Variants in SYNE1 observed in about 807,000 individuals in gnomAD.
SYNE1 encodes the protein nesprin-1.
SYNE1 carries 616 observed loss-of-function variants against 1,111.0 expected under a neutral mutation model. The ratio of observed to expected loss-of-function variants is 0.55; its 90% confidence interval spans 0.52 to 0.59. The LOEUF (loss-of-function observed/expected upper bound fraction) is 0.59. Among genes scored for constraint, SYNE1 ranks in the 20% least tolerant of loss-of-function variants. SYNE1 has a pLI of 0.00. For missense variants in SYNE1, 10,006 were observed against 10,417.0 expected, an observed-to-expected ratio of 0.96 and a Z score of 1.72; for synonymous variants, 3,855 against 3,825.8, an observed-to-expected ratio of 1.01 and a Z score of -0.28.
chr6:152,244,720 T>C (rs1407835297), intron 105 of SYNE1, 64 bp from the exon 106 acceptor site: 2 of 1,597,456 alleles, frequency 1.3e-6, no homozygotes, highest in Non-Finnish European at 1.7e-6. Flanking sequence ...GAAGATGTGA[T>C]TATTGTATCT....
intron 143 of SYNE1, 84 bp from the exon 144 acceptor site, chr6:152,132,298 A>G (rs1181931998): frequency 9.1e-7 from 1 of 1,093,830 alleles, no homozygotes; most frequent in East Asian, 2.4e-5. Flanking sequence ...CTCCCACTCC[A>G]TCTCCATCCA....
intron 135 of SYNE1, among the ~76,000 whole-genome samples, chr6:152,150,205 T>C (rs2060170050): frequency 6.6e-6 from 1 of 152,206 alleles, no homozygotes; most frequent in African/African-American, 2.4e-5. Flanking sequence ...AAACAAGGAA[T>C]TCCAGGAGGA....
intron 113 of SYNE1, 32 bp from the exon 114 acceptor site, chr6:152,231,599 C>T (rs756566164): frequency 5.6e-6 from 9 of 1,603,572 alleles, no homozygotes; most frequent in African/African-American, 2.7e-5. Flanking sequence ...TAAGATTATA[C>T]AATAAATGTC....
rs188790262 is a variant in SYNE1, at chr6:152,620,060, T to C, written c.67+8205A>G. 1.2e-3 allele frequency among the ~76,000 whole-genome samples: 186 copies of C among 152,302 alleles called. 1 individual carries two copies. In the Middle Eastern group the frequency reaches 0.017, roughly 14 times the overall value. The stretch of plus-strand genomic sequence containing the variant: ...CACACGCGCACCGGCTCAGACCTGA[T>C]ATTTATATATAAAATGCACATACTC... On this transcript the variant is annotated intron_variant, in intron 3 of 145. Coordinates refer to ENST00000367255, the MANE Select transcript of SYNE1 (RefSeq NM_182961.4).
chr6:152,188,474 A>C (rs1234428115), intron 128 of SYNE1, among the ~76,000 whole-genome samples: 2 of 152,204 alleles, frequency 1.3e-5, no homozygotes, highest in African/African-American at 4.8e-5. Context: ...AGTATGACTA[A>C]AAATAAATGA....
intron 115 of SYNE1, among the ~76,000 whole-genome samples, chr6:152,226,940 T>C (rs1323736367): frequency 2.6e-5 from 4 of 152,196 alleles, no homozygotes; most frequent in African/African-American, 4.8e-5. Context: ...AGCAGATTTG[T>C]AGTTCTTGGA....
chr6:152,324,664 G>GGCGCCTGT (rs1353694378), intron 81 of SYNE1, among the ~76,000 whole-genome samples: 1 of 152,078 alleles, frequency 6.6e-6, no homozygotes, highest in African/African-American at 2.4e-5. Context: ...CGTGGTGGCG[G>GGCGCCTGT]GCGCCTGTAG....
intron 39 of SYNE1, among the ~76,000 whole-genome samples, chr6:152,424,405 G>C (rs1422561917): frequency 6.6e-6 from 1 of 152,190 alleles, no homozygotes; most frequent in Non-Finnish European, 1.5e-5. Flanking sequence ...GATAGGCAAA[G>C]GGCAGCTACT....
chr6:152,196,413 G>C (rs556147708), intron 127 of SYNE1, among the ~76,000 whole-genome samples: 1 of 152,006 alleles, frequency 6.6e-6, no homozygotes. Context: ...GCATGTCTCC[G>C]AATCTGACCC....
Position 152,201,965 on chromosome 6 carries a change from A to G in SYNE1, c.23020-16T>C. ...TTTCCCAGTCCTATCATGGGAATAA[A>G]AACAAATAGCATAGATGTTTTTGAT... On this transcript the variant is annotated splice_polypyrimidine_tract_variant and intron_variant, in intron 126 of 145. Coordinates refer to ENST00000367255, the MANE Select transcript of SYNE1 (RefSeq NM_182961.4). The G allele has an allele frequency of 6.2e-7, 1 of 1,613,742 alleles. No individual in the cohort carries two copies. Among genetic ancestry groups the G allele is most frequent in the Non-Finnish European group, 8.5e-7 (1 of 1,179,828 alleles).
At position 152,210,927 on chromosome 6, in the gene SYNE1, C is replaced by T. The variant is rs116277890; in HGVS notation, c.22589+567G>A. 4.6e-3 allele frequency among the ~76,000 whole-genome samples: 700 copies of T among 152,194 alleles called. 4 individuals are homozygous for T. Among genetic ancestry groups the T allele is most frequent in the African/African-American group, 0.016 (667 of 41,550 alleles). On this transcript the variant is annotated intron_variant, in intron 124 of 145. Transcript: ENST00000367255. ...TGTAATCTGACTTAAGGTAGCAAAC[C>T]ATTTTCAAACACAGAATTCTCATGG...
intron 52 of SYNE1, 127 bp from the exon 53 acceptor site, chr6:152,390,579 C>A: frequency 1.1e-6 from 1 of 932,238 alleles, no homozygotes; most frequent in South Asian, 1.6e-5. Flanking sequence ...AAACAACAAA[C>A]TCTGGGCCCT....
intron 141 of SYNE1, 24 bp downstream of exon 141, chr6:152,136,593 AC>A: frequency 6.2e-7 from 1 of 1,611,640 alleles, no homozygotes; most frequent in Non-Finnish European, 8.5e-7. Flanking sequence ...TCTCTGAGTC[AC>A]CTCCTGCCCA....
At chr6:152,139,808 G>A in intron 140 of SYNE1, 142 bp downstream of exon 140, 2 of 799,812 alleles carry the variant, frequency 2.5e-6, no homozygotes, top group East Asian at 2.7e-5. Context: ...GGCTGGAGGT[G>A]AGGAGAGCAT....
chr6:152,550,903 A>C (rs1476542100), intron 3 of SYNE1, among the ~76,000 whole-genome samples: 2 of 152,170 alleles, frequency 1.3e-5, no homozygotes, highest in African/African-American at 4.8e-5. Flanking sequence ...TGTGAATCAC[A>C]CAGAAGTGCA....
chr6:152,205,956 A>G (rs1433324842), intron 126 of SYNE1, among the ~76,000 whole-genome samples: 1 of 152,172 alleles, frequency 6.6e-6, no homozygotes, highest in Non-Finnish European at 1.5e-5. Flanking sequence ...CTTTGTTGGG[A>G]GGTTGTCCTG....
Position 152,219,144 on chromosome 6 carries a change from A to T in SYNE1, c.21903T>A (p.Phe7301Leu), listed in dbSNP as rs1415687146. ...KGLGTVKDSL[F>L]FLHELGEQLK... ...GTTGCTCTCCCAGCTCATGGAGAAA[A>T]AAGAGGGAATCTTTAACTGTGCCCA... The change falls in exon 120 of 146, where the codon TTT becomes TTA. Residue 7301 changes from phenylalanine (F) to leucine (L), a missense_variant. Around this residue, in one of 7 missense-constraint regions of SYNE1, gnomAD observed 2,182 missense variants for 2,287.8 expected, o/e 0.95. Transcript: ENST00000367255. 24 of 1,613,986 alleles carry T rather than the reference A, an allele frequency of 1.5e-5. No individual in the cohort carries two copies. Among genetic ancestry groups the T allele is most frequent in the Non-Finnish European group, 1.9e-5 (23 of 1,179,990 alleles).
At chr6:152,250,311 T>C (rs1214879736) in intron 104 of SYNE1, among the ~76,000 whole-genome samples, 1 of 151,772 alleles carries the variant, frequency 6.6e-6, no homozygotes, top group Admixed American at 6.6e-5. Flanking sequence ...AACAAATAAG[T>C]TCTATTTCAT....
At chr6:152,550,690 T>C (rs1705913488) in intron 3 of SYNE1, among the ~76,000 whole-genome samples, 1 of 152,104 alleles carries the variant, frequency 6.6e-6, no homozygotes, top group Non-Finnish European at 1.5e-5. Flanking sequence ...CTATTTATAG[T>C]CTTTCATTAT....
Sources: gnomAD v4.1 joint callset for allele counts (sites outside exome capture counted in the v4.1 genomes callset) on GRCh38, gnomAD v4.1.1 for gene constraint, gnomAD v4.1.1 regional missense constraint, MANE v1.5 for transcripts, NCBI Gene and HGNC (gene_info 2026-07-23, HGNC 2026-07-21) for gene names.